The following SOX5 variants were observed in gnomAD, a reference collection of about 807,000 sequenced individuals.
The protein encoded by SOX5 is SRY-box transcription factor 5.
SOX5 carries 9 observed loss-of-function variants against 92.0 expected under a neutral mutation model. The observed-to-expected ratio is 0.10, with a 90% CI of 0.06 to 0.17. The LOEUF (loss-of-function observed/expected upper bound fraction) is 0.17, where lower values mean the gene tolerates loss of function less well. Ranked by LOEUF, SOX5 falls within the 10% of genes least tolerant of loss-of-function variation. The pLI is 1.00. For synonymous variants in SOX5, 344 were observed against 336.3 expected, an observed-to-expected ratio of 1.02 and a Z score of -0.25; for missense variants, 642 against 944.5, an observed-to-expected ratio of 0.68 and a Z score of 4.20.
chr12:23,914,304 T>C (rs1466972291), intron 1 of SOX5, among the ~76,000 whole-genome samples: 3 of 152,204 alleles, frequency 2.0e-5, no homozygotes, highest in African/African-American at 4.8e-5. Flanking sequence ...TAGAACATTA[T>C]ACTCAATTAA....
chr12:23,704,721 C>G, intron 6 of SOX5, among the ~76,000 whole-genome samples: 1 of 61,588 alleles, frequency 1.6e-5, no homozygotes, highest in South Asian at 8.0e-4. Context: ...TATATACACA[C>G]ACACACACAC....
At chr12:24,423,212 C>G (rs1205489093) in intron 1 of SOX5, among the ~76,000 whole-genome samples, 1 of 152,196 alleles carries the variant, frequency 6.6e-6, no homozygotes, top group Non-Finnish European at 1.5e-5. Flanking sequence ...CCAGCTCTCC[C>G]TTAAGAACTG....
At chr12:23,946,983 T>C (rs1944695411) in intron 1 of SOX5, among the ~76,000 whole-genome samples, 1 of 151,962 alleles carries the variant, frequency 6.6e-6, no homozygotes, top group African/African-American at 2.4e-5. Context: ...CTGACCATGT[T>C]CATTTCTAGG....
chr12:24,450,026 T>G (rs546109105), intron 1 of SOX5, among the ~76,000 whole-genome samples: 1 of 152,200 alleles, frequency 6.6e-6, no homozygotes, highest in Non-Finnish European at 1.5e-5. Flanking sequence ...AAAATGAGTA[T>G]GCGCAACCAC....
At chr12:24,131,271 T>C (rs1949622687) in intron 4 of SOX5, among the ~76,000 whole-genome samples, 1 of 152,216 alleles carries the variant, frequency 6.6e-6, no homozygotes, top group South Asian at 2.1e-4. Context: ...AATTCTCCTC[T>C]GAGTTATTAA....
In SOX5 at chr12:24,303,347, C is replaced by T. The variant is rs190738140; in HGVS notation, c.-173-26035G>A. 1.8e-4 allele frequency among the ~76,000 whole-genome samples: 27 copies of T among 151,712 alleles called. No homozygotes were observed. The East Asian group carries it at 3.1e-3, about 17-fold the overall frequency. On this transcript the variant is annotated intron_variant, in intron 2 of 4. Coordinates refer to the SOX5 transcript ENST00000446891. ...ACAGAGTATAGGGGACAAAACAAGA[C>T]GTTAGACATCATGTTCATAGGAATT...
intron 4 of SOX5, among the ~76,000 whole-genome samples, chr12:24,177,878 C>A (rs748497508): frequency 2.6e-5 from 4 of 152,150 alleles, no homozygotes; most frequent in Non-Finnish European, 5.9e-5. Context: ...ATAATTGACC[C>A]AGGACTTTGT....
chr12:24,457,360 C>A (rs1412952907), intron 1 of SOX5, among the ~76,000 whole-genome samples: 1 of 152,104 alleles, frequency 6.6e-6, no homozygotes, highest in Non-Finnish European at 1.5e-5. Context: ...GTCTGTGAAT[C>A]ACAGTAGGCC....
At chr12:24,151,772 G>C (rs1951679531) in intron 4 of SOX5, among the ~76,000 whole-genome samples, 1 of 151,978 alleles carries the variant, frequency 6.6e-6, no homozygotes, top group Non-Finnish European at 1.5e-5. Context: ...TCTCACTGCA[G>C]TTCTTTTTAA....
At chr12:24,526,488 G>A (rs950686311) in intron 1 of SOX5, among the ~76,000 whole-genome samples, 1 of 152,140 alleles carries the variant, frequency 6.6e-6, no homozygotes, top group Non-Finnish European at 1.5e-5. Flanking sequence ...AGGTGGGTGC[G>A]CAGGTGTGAT....
intron 13 of SOX5, among the ~76,000 whole-genome samples, chr12:23,537,877 G>C (rs1388055777): frequency 6.6e-6 from 1 of 152,010 alleles, no homozygotes; most frequent in South Asian, 2.1e-4. Flanking sequence ...GGTGTGTCCG[G>C]AGTTTGTTCC....
intron 5 of SOX5, among the ~76,000 whole-genome samples, chr12:23,737,100 C>T (rs1385991497): frequency 1.3e-5 from 2 of 151,974 alleles, no homozygotes; most frequent in Non-Finnish European, 2.9e-5. Context: ...ATTTCAAATG[C>T]TATTTAAATC....
chr12:23,732,866 C>T (rs79446860), intron 6 of SOX5, among the ~76,000 whole-genome samples: 2,131 of 152,224 alleles, frequency 0.014, 49 homozygotes, highest in African/African-American at 0.048. Flanking sequence ...AATACAGTTC[C>T]TATAGTCTTA....
intron 8 of SOX5, among the ~76,000 whole-genome samples, chr12:23,621,249 TCA>T (rs997233503): frequency 6.6e-6 from 1 of 151,926 alleles, no homozygotes; most frequent in African/African-American, 2.4e-5. Context: ...ATATGCAAAT[TCA>T]CAGAGACAGA....
At chr12:23,584,512 A>G (rs1950451229) in intron 9 of SOX5, 1 of 1,426,622 alleles carries the variant, frequency 7.0e-7, no homozygotes, top group Non-Finnish European at 9.9e-7. Context: ...GCTCCAATTA[A>G]TTACATCAAA....
intron 9 of SOX5, chr12:23,582,427 A>C (rs1950172553): frequency 7.0e-6 from 2 of 285,726 alleles, no homozygotes; most frequent in Non-Finnish European, 1.1e-5. Context: ...AATTGCAACA[A>C]TCTTAAAATT....
chr12:24,004,275 T>C (rs2136414178), intron 4 of SOX5, among the ~76,000 whole-genome samples: 1 of 143,990 alleles, frequency 6.9e-6, no homozygotes, highest in South Asian at 2.3e-4. Context: ...ACTGATAAAC[T>C]GAATTATATC....
chr12:24,112,902 G>T (rs537930196), intron 4 of SOX5, among the ~76,000 whole-genome samples: 2 of 151,832 alleles, frequency 1.3e-5, no homozygotes, highest in South Asian at 4.2e-4. Flanking sequence ...GGTCTTTAGG[G>T]TTCCATTTTT....
rs187357340 is a variant in SOX5 at position 23,828,068 on chromosome 12, G to C, written c.481+17915C>G. Among the ~76,000 whole-genome samples, 232 of 152,232 alleles carry C rather than the reference G, an allele frequency of 1.5e-3. 2 individuals are homozygous for C. Among genetic ancestry groups the C allele is most frequent in the African/African-American group, 5.4e-3 (223 of 41,548 alleles). ...AATGACAGACCACGTATACATCAGG[G>C]GTCCCATAGATTATAATACCATATT... On this transcript the variant is annotated intron_variant, in intron 3 of 14. Transcript: ENST00000451604.
Sources: gnomAD v4.1 joint callset for allele counts (sites outside exome capture counted in the v4.1 genomes callset) on GRCh38, gnomAD v4.1.1 for gene constraint, MANE v1.5 for transcripts, NCBI Gene and HGNC (gene_info 2026-07-23, HGNC 2026-07-21) for gene names.